Variants in EPB41 observed in about 807,000 individuals in gnomAD.
EPB41 encodes the protein protein 4.1.
In EPB41, 65 loss-of-function variants were observed where a neutral mutation model predicts 108.0. The ratio of observed to expected loss-of-function variants is 0.60; its 90% CI spans 0.49 to 0.74. The LOEUF (loss-of-function observed/expected upper bound fraction) is 0.74, where lower values mean the gene tolerates loss of function less well. Ranked by LOEUF, EPB41 falls within the 30% of genes least tolerant of loss-of-function variation. EPB41 has a pLI of 0.00. For synonymous variants in EPB41, 336 were observed against 358.9 expected (o/e 0.94, Z 0.72); for missense variants, 875 against 1,037.0 (o/e 0.84, Z 2.15).
chr1:29,031,171 T>C (rs924114345), intron 8 of EPB41, among the ~76,000 whole-genome samples: 1 of 152,196 alleles, frequency 6.6e-6, no homozygotes. Flanking sequence ...ATTTGCCCCA[T>C]AGCAATTCCA....
rs553954226 is a variant in EPB41 at position 28,973,430 on chromosome 1, A to C, written c.-7-14001A>C. Among the ~76,000 whole-genome samples, 4 of 152,128 alleles carry C rather than the reference A, an allele frequency of 2.6e-5. No homozygotes were observed. In the East Asian group the frequency reaches 7.7e-4, roughly 29 times the overall value. ...TCAGAGACAGGGTCTTGCTCTGTCA[A>C]CCAGGCTGGAGTGCAGTGGTGCAGT... On this transcript the variant is annotated intron_variant, in intron 1 of 20. Transcript: ENST00000343067.
At chr1:28,892,024 C>T (rs1008471311) in intron 1 of EPB41, among the ~76,000 whole-genome samples, 1 of 130,292 alleles carries the variant, frequency 7.7e-6, no homozygotes, top group Non-Finnish European at 1.5e-5. Context: ...ACCGAGGAGG[C>T]GGAGGTTGCA....
intron 1 of EPB41, among the ~76,000 whole-genome samples, chr1:28,976,772 A>T (rs1396113539): frequency 6.6e-6 from 1 of 152,136 alleles, no homozygotes; most frequent in Admixed American, 6.6e-5. Context: ...GTTCTTAATA[A>T]TACTGGTTCT....
At chr1:29,066,368 G>A (rs761111633) in intron 16 of EPB41, among the ~76,000 whole-genome samples, 2 of 151,434 alleles carry the variant, frequency 1.3e-5, no homozygotes, top group East Asian at 2.0e-4. Context: ...GCAGTGAGCC[G>A]AGATCACACC....
chr1:29,084,193 CTTCCTT>C (rs1400525572), intron 16 of EPB41, among the ~76,000 whole-genome samples: 1 of 152,226 alleles, frequency 6.6e-6, no homozygotes, highest in Non-Finnish European at 1.5e-5. Context: ...TCTCTGTTCA[CTTCCTT>C]TTACTTATCA....
At chr1:28,972,911 G>A (rs957012190) in intron 1 of EPB41, among the ~76,000 whole-genome samples, 2 of 152,066 alleles carry the variant, frequency 1.3e-5, no homozygotes, top group African/African-American at 4.8e-5. Context: ...TTCATAAAGA[G>A]TAATTTAACA....
rs757028482 is a variant in EPB41, at chr1:29,053,090, C to T, written c.1637-14C>T. The T allele has an allele frequency of 2.5e-6, 4 of 1,613,308 alleles. No individual in the cohort carries two copies. In the Admixed American group the frequency reaches 5.0e-5, roughly 20 times the overall value. On this transcript the variant is annotated splice_polypyrimidine_tract_variant and intron_variant, in intron 11 of 20. Transcript: ENST00000343067. ...GGCCTTTACTTATGCTTCCCTTTTC[C>T]CTTTCTCACATAGCAGCAGCTGTCG...
chr1:29,111,679 A>T (rs1000904430), intron 18 of EPB41, among the ~76,000 whole-genome samples: 6 of 151,550 alleles, frequency 4.0e-5, no homozygotes, highest in Admixed American at 1.3e-4. Flanking sequence ...AATAAATAAA[A>T]AAGATTGTAG....
chr1:29,047,770 G>T (rs1643729399), intron 11 of EPB41, among the ~76,000 whole-genome samples: 1 of 151,188 alleles, frequency 6.6e-6, no homozygotes, highest in African/African-American at 2.4e-5. Flanking sequence ...GACAATTTAT[G>T]TATGTATGTA....
chr1:28,912,448 TAAC>T (rs1380794165), upstream of EPB41, among the ~76,000 whole-genome samples: 1 of 152,146 alleles, frequency 6.6e-6, no homozygotes, highest in Admixed American at 6.6e-5. Flanking sequence ...AGCTCAGTGC[TAAC>T]AACAATTGCA....
At chr1:28,983,691 C>T (rs779143118) in intron 1 of EPB41, among the ~76,000 whole-genome samples, 1 of 152,152 alleles carries the variant, frequency 6.6e-6, no homozygotes, top group Non-Finnish European at 1.5e-5. Context: ...CTCAAGGCCA[C>T]GCGGGCCTCA....
chr1:28,956,064 A>G (rs909298929), intron 1 of EPB41, among the ~76,000 whole-genome samples: 7 of 152,212 alleles, frequency 4.6e-5, no homozygotes, highest in African/African-American at 1.4e-4. Flanking sequence ...ATGTGTGTGC[A>G]GTAAGAGAAA....
At chr1:29,021,382 G>A (rs1400742831) in intron 7 of EPB41, among the ~76,000 whole-genome samples, 1 of 152,092 alleles carries the variant, frequency 6.6e-6, no homozygotes, top group East Asian at 1.9e-4. Flanking sequence ...GTGCAAGAAA[G>A]CCAGCTTACC....
intron 1 of EPB41, among the ~76,000 whole-genome samples, chr1:28,936,322 A>AG (rs1313611179): frequency 6.6e-6 from 1 of 152,154 alleles, no homozygotes; most frequent in African/African-American, 2.4e-5. Flanking sequence ...GCAAAGACGG[A>AG]GCTGGATCTT....
chr1:28,946,265 G>A (rs764416693), intron 1 of EPB41, among the ~76,000 whole-genome samples: 2 of 150,940 alleles, frequency 1.3e-5, no homozygotes, highest in Non-Finnish European at 2.9e-5. Flanking sequence ...GCGCAATTTC[G>A]GCTCACTGCA....
At chr1:29,105,143 C>A (rs1666716340) in intron 17 of EPB41, among the ~76,000 whole-genome samples, 1 of 152,204 alleles carries the variant, frequency 6.6e-6, no homozygotes, top group African/African-American at 2.4e-5. Flanking sequence ...CTTTAGGCAG[C>A]CAGTGCTCTG....
At chr1:28,951,467 A>T (rs1165148645) in intron 1 of EPB41, among the ~76,000 whole-genome samples, 1 of 152,176 alleles carries the variant, frequency 6.6e-6, no homozygotes, top group Non-Finnish European at 1.5e-5. Context: ...GAAGCAAATC[A>T]GAAAAGACTT....
At chr1:29,062,011 T>C (rs779465998) in intron 15 of EPB41, among the ~76,000 whole-genome samples, 23 of 152,246 alleles carry the variant, frequency 1.5e-4, no homozygotes, top group Non-Finnish European at 1.2e-4. Context: ...GAAAAAAATA[T>C]GCCCAGCCTT....
intron 5 of EPB41, among the ~76,000 whole-genome samples, chr1:29,012,395 A>G (rs1412641866): frequency 6.6e-6 from 1 of 152,026 alleles, no homozygotes; most frequent in African/African-American, 2.4e-5. Flanking sequence ...CTGCAGTATA[A>G]AGGACTGTGG....
Sources: allele counts gnomAD v4.1 joint callset (sites outside exome capture counted in the v4.1 genomes callset), GRCh38; gene constraint gnomAD v4.1.1; transcripts MANE v1.5; gene names NCBI Gene and HGNC (gene_info 2026-07-23, HGNC 2026-07-21).